ARID4B: variants seen among roughly 807,000 people sequenced by gnomAD.
ARID4B encodes the protein AT-rich interaction domain 4B.
In ARID4B, 26 loss-of-function variants were observed where a neutral mutation model predicts 147.5. The observed-to-expected ratio is 0.18, with a 90% confidence interval of 0.13 to 0.24. The LOEUF (loss-of-function observed/expected upper bound fraction) is 0.24, where lower values mean the gene tolerates loss of function less well. ARID4B is among the 10% of genes least tolerant of loss of function. The probability of loss-of-function intolerance (pLI) is 1.00; values close to 1 mark genes in which losing one functional copy is unlikely to be tolerated. For missense variants in ARID4B, 1,179 were observed against 1,511.5 expected, an observed-to-expected ratio of 0.78 and a Z score of 3.65; for synonymous variants, 512 against 507.9, an observed-to-expected ratio of 1.01 and a Z score of -0.11.
chr1:235,233,594 T>C (rs1192263272), intron 9 of ARID4B, among the ~76,000 whole-genome samples: 1 of 152,220 alleles, frequency 6.6e-6, no homozygotes, highest in African/African-American at 2.4e-5. Context: ...ATATAATTCT[T>C]AAAGAAAAAT....
rs563923339 is a variant in ARID4B at position 235,307,562 on chromosome 1, AAG to A, written c.6+19350_6+19351del. Among the ~76,000 whole-genome samples, 39 of 152,340 alleles carry A rather than the reference AAG, an allele frequency of 2.6e-4. No homozygotes were observed. In the East Asian group the frequency reaches 6.4e-3, roughly 25 times the overall value. On this transcript the variant is annotated intron_variant, in intron 2 of 23. Coordinates refer to ENST00000264183, the MANE Select transcript of ARID4B (RefSeq NM_016374.6). ...TCTAAAGATTCTTCAGCCAAAGAAA[AAG>A]AGAGAGAGAAAAAGAGAGACAAACC... is the stretch of plus-strand genomic sequence containing the variant.
chr1:235,288,841 T>C (rs1672148862), intron 2 of ARID4B, among the ~76,000 whole-genome samples: 1 of 152,132 alleles, frequency 6.6e-6, no homozygotes, highest in Non-Finnish European at 1.5e-5. Flanking sequence ...CAACACATAA[T>C]GAAAAAAGAA....
chr1:235,204,600 G>A (rs1184216218), intron 17 of ARID4B, among the ~76,000 whole-genome samples: 1 of 152,184 alleles, frequency 6.6e-6, no homozygotes, highest in Non-Finnish European at 1.5e-5. Context: ...TTAGGCAGAG[G>A]TAATATGTAA....
chr1:235,260,667 G>A lies in ARID4B; in HGVS notation c.92C>T (p.Thr31Ile), dbSNP rs368660071. ...RGAFCEAKIK[T>I]AKRLVKVKVT... ...CTTGACTTTGACAAGTCTTTTTGCT[G>A]TCTTGATCTTGGCTTCACAAAAGGC... The change falls in exon 3 of 24, where the codon ACA (threonine) becomes ATA (isoleucine). Residue 31 changes from threonine (T) to isoleucine (I), a missense_variant. By Grantham distance (89) the Thr-to-Ile change is moderately conservative (BLOSUM62 -1). Transcript: ENST00000264183. The A allele has an allele frequency of 6.2e-7, 1 of 1,610,376 alleles. No individual in the cohort carries two copies. The highest frequency in any genetic ancestry group is 8.5e-7 in the Non-Finnish European group (1 of 1,178,636).
At chr1:235,292,538 C>T (rs1005364330) in intron 2 of ARID4B, among the ~76,000 whole-genome samples, 2 of 151,800 alleles carry the variant, frequency 1.3e-5, no homozygotes, top group African/African-American at 2.4e-5. Flanking sequence ...AACGCTTGAA[C>T]CCGGGAGGCA....
intron 7 of ARID4B, among the ~76,000 whole-genome samples, chr1:235,243,167 T>C (rs1279275473): frequency 2.6e-5 from 4 of 152,154 alleles, no homozygotes; most frequent in African/African-American, 7.2e-5. Flanking sequence ...TACTTGTTCA[T>C]AAAATAAAAA....
chr1:235,167,407 A>C lies in ARID4B; in HGVS notation c.*1118T>G. 1 of 222,496 alleles carries C rather than the reference A, an allele frequency of 4.5e-6. No individual in the cohort carries two copies. The highest frequency in any genetic ancestry group is 9.0e-6 in the Non-Finnish European group (1 of 111,018). 13.8% of individuals were successfully genotyped at this position (222,496 alleles called of 1,614,324 possible). On this transcript the variant is annotated 3_prime_UTR_variant, in exon 24 of 24. Coordinates refer to ENST00000264183, the MANE Select transcript of ARID4B (RefSeq NM_016374.6). ...GAAGAATTAAATACAAGTGCCAAAC[A>C]GAACAGAGATTGGAATCATACAACA...
intron 17 of ARID4B, among the ~76,000 whole-genome samples, chr1:235,203,379 A>G (rs145472619): frequency 1.3e-5 from 2 of 152,370 alleles, no homozygotes; most frequent in African/African-American, 4.8e-5. Flanking sequence ...AAGAAATATT[A>G]TCAGCATATA....
intron 6 of ARID4B, among the ~76,000 whole-genome samples, chr1:235,249,895 G>T (rs1364537123): frequency 1.3e-5 from 2 of 150,076 alleles, no homozygotes; most frequent in African/African-American, 2.5e-5. Context: ...AGCCGAGATC[G>T]TGCCACTGCA....
chr1:235,249,448 A>T (rs1304403225), intron 6 of ARID4B, among the ~76,000 whole-genome samples: 1 of 152,186 alleles, frequency 6.6e-6, no homozygotes, highest in Non-Finnish European at 1.5e-5. Flanking sequence ...GGCAGCAGGT[A>T]ACATACTCAT....
Position 235,182,303 on chromosome 1 carries a change from C to T in ARID4B, c.2616G>A (p.Lys872=), listed in dbSNP as rs201667072. 2 of 1,613,924 alleles carry T rather than the reference C, an allele frequency of 1.2e-6. No homozygotes were observed. The highest frequency in any genetic ancestry group is 1.7e-6 in the Non-Finnish European group (2 of 1,179,996). ...SDEDEEETKA[K]MTPTKKYNGL... ...CATTGTATTTCTTAGTTGGTGTCAT[C>T]TTTGCTTTTGTTTCTTCTTCATCTT... The change falls in exon 20 of 24, where the codon AAG becomes AAA. Residue 872 remains lysine, a synonymous_variant. Coordinates refer to ENST00000264183, the MANE Select transcript of ARID4B (RefSeq NM_016374.6).
intron 9 of ARID4B, 72 bp downstream of exon 9, chr1:235,234,341 T>C (rs1368067292): frequency 1.4e-5 from 14 of 968,976 alleles, no homozygotes; most frequent in Non-Finnish European, 2.1e-5. Flanking sequence ...TAATTAATCA[T>C]TTAACATCCT....
chr1:235,291,906 T>A (rs1009402163), intron 2 of ARID4B, among the ~76,000 whole-genome samples: 9 of 152,136 alleles, frequency 5.9e-5, no homozygotes, highest in Non-Finnish European at 1.3e-4. Context: ...GACGGCAAAC[T>A]TGTGTTTGCC....
In ARID4B at chr1:235,221,667, T is replaced by C. The variant is rs1346695164; in HGVS notation, c.1066-5A>G. On this transcript the variant is annotated splice_region_variant and splice_polypyrimidine_tract_variant and intron_variant, in intron 13 of 23. Transcript: ENST00000264183. Reference sequence around the variant, plus strand: ...CCAAACAGCTCCACTTTCAATCTAATGGACAAAGTGAAACAAAAACTCTCA... The same window carrying C: ...CCAAACAGCTCCACTTTCAATCTAACGGACAAAGTGAAACAAAAACTCTCA... 4 of 1,553,694 alleles carry C rather than the reference T, an allele frequency of 2.6e-6. No homozygotes were observed. The highest frequency in any genetic ancestry group is 1.7e-5 in the Admixed American group (1 of 58,202).
In ARID4B at chr1:235,182,203, T is replaced by C. The variant is rs1453098996; in HGVS notation, c.2716A>G (p.Ile906Val). ...SGFSEVAEKR[I>V]KLLNNSDERL... ...TCATCAGAGTTATTTAAAAGTTTAA[T>C]CCTTTTTTCTGCCACTTCTGAAAAT... The change falls in exon 20 of 24, where the codon ATT (isoleucine) becomes GTT (valine). Residue 906 changes from isoleucine to valine, a missense_variant. Ile to Val is a conservative substitution (Grantham distance 29). This residue lies in a region of ARID4B where 321 missense variants were observed against 342.4 expected (regional missense o/e 0.94). Coordinates refer to ENST00000264183, the MANE Select transcript of ARID4B (RefSeq NM_016374.6). The C allele has an allele frequency of 6.2e-7, 1 of 1,613,498 alleles. No individual in the cohort carries two copies. Among genetic ancestry groups the C allele is most frequent in the African/African-American group, 1.3e-5 (1 of 74,822 alleles).
In ARID4B at chr1:235,244,016, G is replaced by C. The variant is rs192746363; in HGVS notation, c.446+2404C>G. On this transcript the variant is annotated intron_variant, in intron 7 of 23. Coordinates refer to ENST00000264183, the MANE Select transcript of ARID4B (RefSeq NM_016374.6). ...CCACTAAACTGTACACTTTAAAAGGGTGAAGTATTGGATACAAATCTACAG... is the reference window on the plus strand; with the variant it reads ...CCACTAAACTGTACACTTTAAAAGGCTGAAGTATTGGATACAAATCTACAG... Among the ~76,000 whole-genome samples, 3 of 152,152 alleles carry C rather than the reference G, an allele frequency of 2.0e-5. No homozygotes were observed. In the East Asian group the frequency reaches 5.8e-4, roughly 29 times the overall value.
intron 2 of ARID4B, among the ~76,000 whole-genome samples, chr1:235,267,326 A>C (rs926651860): frequency 6.6e-6 from 1 of 152,192 alleles, no homozygotes; most frequent in Admixed American, 6.5e-5. Flanking sequence ...AATGTACTTA[A>C]ACACAAACCA....
intron 6 of ARID4B, among the ~76,000 whole-genome samples, chr1:235,249,692 A>G (rs1367944552): frequency 6.6e-6 from 1 of 151,976 alleles, no homozygotes; most frequent in Non-Finnish European, 1.5e-5. Context: ...CTGTAATCCC[A>G]GCACTTTGGG....
At chr1:235,327,028 G>A (rs1675324737) in intron 1 of ARID4B, 60 bp from the exon 2 acceptor site, 9 of 1,210,812 alleles carry the variant, frequency 7.4e-6, no homozygotes, top group South Asian at 1.3e-5. Context: ...CACTGGCGGA[G>A]GCGGAGGGAA....
Sources: allele counts gnomAD v4.1 joint callset (sites outside exome capture counted in the v4.1 genomes callset), GRCh38; gene constraint gnomAD v4.1.1; regional missense constraint gnomAD v4.1.1; transcripts MANE v1.5; gene names NCBI Gene and HGNC (gene_info 2026-07-23, HGNC 2026-07-21).